NOS1AP: variants seen among roughly 807,000 people sequenced by gnomAD.
NOS1AP encodes the protein nitric oxide synthase 1 adaptor protein.
In NOS1AP, 21 loss-of-function variants were observed where a neutral mutation model predicts 56.2. The observed-to-expected ratio is 0.37, with a 90% confidence interval of 0.26 to 0.54. The LOEUF is 0.54. Ranked by LOEUF, NOS1AP falls within the 20% of genes least tolerant of loss-of-function variation. NOS1AP has a pLI of 0.84. For synonymous variants in NOS1AP, 270 were observed against 274.6 expected (o/e 0.98, Z 0.17); for missense variants, 522 against 657.8 (o/e 0.79, Z 2.26).
intron 1 of NOS1AP, among the ~76,000 whole-genome samples, chr1:162,082,448 C>T (rs1361871390): frequency 2.0e-5 from 3 of 152,184 alleles, no homozygotes; most frequent in Non-Finnish European, 2.9e-5. Flanking sequence ...TCTTTAGGTA[C>T]ATACCCAGTA....
chr1:162,356,462 C>T (rs971007855), intron 7 of NOS1AP, among the ~76,000 whole-genome samples: 3 of 152,194 alleles, frequency 2.0e-5, no homozygotes, highest in African/African-American at 4.8e-5. Context: ...TGGCCCCTTC[C>T]TCCAGGACCC....
chr1:162,317,827 TG>T lies in NOS1AP; in HGVS notation c.345-15186del, dbSNP rs778291821. ...GTAACAGATGGGTGAAATGCAGGTC[TG>T]GGGCAGTTACAACAGCCCTTGCTTT... On this transcript the variant is annotated intron_variant, in intron 4 of 9. Coordinates refer to ENST00000361897, the MANE Select transcript of NOS1AP (RefSeq NM_014697.3). 5.2e-5 allele frequency: 8 copies of T among 152,388 alleles called. No homozygotes were observed. The East Asian group carries it at 1.5e-3, about 29-fold the overall frequency. The allele number at this position is 152,388 out of a possible 1,614,324, so 9.4% of individuals were successfully genotyped here. A position where few individuals can be genotyped will look rare whatever the true frequency, so the allele number is the denominator to read the frequency against.
At chr1:162,118,213 A>G (rs1648050178) in intron 1 of NOS1AP, among the ~76,000 whole-genome samples, 1 of 152,188 alleles carries the variant, frequency 6.6e-6, no homozygotes, top group African/African-American at 2.4e-5. Flanking sequence ...AGCGGTAAAC[A>G]CAGTACCCAA....
intron 4 of NOS1AP, among the ~76,000 whole-genome samples, chr1:162,320,949 T>G (rs1387074809): frequency 6.6e-6 from 1 of 152,144 alleles, no homozygotes; most frequent in Non-Finnish European, 1.5e-5. Flanking sequence ...CCACTTTTTT[T>G]TAAGGTTTGC....
chr1:162,074,639 A>C (rs1404764532), intron 1 of NOS1AP, among the ~76,000 whole-genome samples: 1 of 152,230 alleles, frequency 6.6e-6, no homozygotes, highest in African/African-American at 2.4e-5. Context: ...CTCAAGACTC[A>C]GTAGCTTGAA....
At chr1:162,277,781 C>T (rs1654789431) in intron 2 of NOS1AP, among the ~76,000 whole-genome samples, 1 of 152,140 alleles carries the variant, frequency 6.6e-6, no homozygotes, top group Middle Eastern at 3.2e-3. Context: ...GAAAACATTG[C>T]TACCTTTTCC....
chr1:162,085,624 C>T (rs907513544), intron 1 of NOS1AP, among the ~76,000 whole-genome samples: 12 of 152,108 alleles, frequency 7.9e-5, no homozygotes, highest in Non-Finnish European at 1.6e-4. Flanking sequence ...GACTCCTGTT[C>T]CCTGAATTTG....
At chr1:162,251,475 A>G (rs1352522605) in intron 2 of NOS1AP, among the ~76,000 whole-genome samples, 3 of 152,148 alleles carry the variant, frequency 2.0e-5, no homozygotes, top group African/African-American at 7.2e-5. Flanking sequence ...CCAATGTACT[A>G]GAAGCTAAAC....
chr1:162,105,126 T>C (rs978129642), intron 1 of NOS1AP, among the ~76,000 whole-genome samples: 1 of 152,220 alleles, frequency 6.6e-6, no homozygotes, highest in Non-Finnish European at 1.5e-5. Context: ...TTTCTGTTTG[T>C]TTTTCTTTTA....
intron 2 of NOS1AP, among the ~76,000 whole-genome samples, chr1:162,239,400 C>A (rs538536787): frequency 6.6e-6 from 1 of 152,272 alleles, no homozygotes; most frequent in Admixed American, 6.5e-5. Context: ...GGTTTTGGAG[C>A]CCTATTTTGA....
intron 1 of NOS1AP, among the ~76,000 whole-genome samples, chr1:162,109,187 T>C (rs1647622109): frequency 6.6e-6 from 1 of 152,198 alleles, no homozygotes; most frequent in Non-Finnish European, 1.5e-5. Context: ...TGGGGGTTAT[T>C]ACAGTTCAAG....
At chr1:162,179,465 G>A (rs766215137) in intron 2 of NOS1AP, among the ~76,000 whole-genome samples, 11 of 152,182 alleles carry the variant, frequency 7.2e-5, no homozygotes, top group Non-Finnish European at 1.6e-4. Flanking sequence ...CTCTGGTACT[G>A]CTAAAGACAG....
Position 162,367,374 on chromosome 1 carries a change from C to T in NOS1AP, c.1428C>T (p.Arg476=), listed in dbSNP as rs768081872. The T allele has an allele frequency of 6.2e-7, 1 of 1,610,072 alleles. No individual in the cohort carries two copies. The highest frequency in any genetic ancestry group is 8.5e-7 in the Non-Finnish European group (1 of 1,178,284). ...CCAACACGGACGAGAGCGAGGAGCG[C>T]GACTCGTGGTCCCAGGAGGAGCTGC... The part of the protein sequence containing the change: ...YESNTDESEE[R]DSWSQEELPR... Residue 476 remains arginine (R), a synonymous_variant, in exon 10 of 10, where the codon CGC becomes CGT. Transcript: ENST00000361897. This position sits in a 1 kb window ranked among gnomAD's most constrained non-coding sequence, Gnocchi z 6.5.
At chr1:162,112,130 A>G (rs1647734205) in intron 1 of NOS1AP, among the ~76,000 whole-genome samples, 1 of 152,124 alleles carries the variant, frequency 6.6e-6, no homozygotes, top group African/African-American at 2.4e-5. Flanking sequence ...TACATTTTCT[A>G]GCTAACTGGT....
At chr1:162,106,345 A>G (rs915105577) in intron 1 of NOS1AP, among the ~76,000 whole-genome samples, 1 of 152,178 alleles carries the variant, frequency 6.6e-6, no homozygotes, top group Admixed American at 6.5e-5. Flanking sequence ...CAGATATCTC[A>G]GTTGAAGTTG....
At chr1:162,156,349 A>T (rs1433903631) in intron 2 of NOS1AP, among the ~76,000 whole-genome samples, 3 of 152,132 alleles carry the variant, frequency 2.0e-5, no homozygotes, top group African/African-American at 7.2e-5. Flanking sequence ...AGGTCTGGGA[A>T]GGGGCAGGCA....
At chr1:162,095,656 G>A (rs887041346) in intron 1 of NOS1AP, among the ~76,000 whole-genome samples, 1 of 152,196 alleles carries the variant, frequency 6.6e-6, no homozygotes, top group African/African-American at 2.4e-5. Flanking sequence ...ACGCCTGTAT[G>A]TGGGGTTCCC....
chr1:162,280,397 G>A (rs911644061), intron 2 of NOS1AP, among the ~76,000 whole-genome samples: 2 of 152,112 alleles, frequency 1.3e-5, no homozygotes, highest in Non-Finnish European at 2.9e-5. Flanking sequence ...TTAGTTTATG[G>A]CAATTCTTAA....
intron 2 of NOS1AP, among the ~76,000 whole-genome samples, chr1:162,166,895 C>A (rs1308990126): frequency 1.3e-5 from 2 of 152,170 alleles, no homozygotes; most frequent in Non-Finnish European, 2.9e-5. Context: ...CCCTTTTGGT[C>A]AGGATCCTTT....
Sources: allele counts gnomAD v4.1 joint callset (sites outside exome capture counted in the v4.1 genomes callset), GRCh38; gene constraint gnomAD v4.1.1; non-coding constraint Gnocchi (gnomAD v3.1); transcripts MANE v1.5; gene names NCBI Gene and HGNC (gene_info 2026-07-23, HGNC 2026-07-21).